IQCM: variants seen among roughly 807,000 people sequenced by gnomAD.
IQCM encodes IQ motif containing M.
In IQCM, 45 loss-of-function variants were observed where a neutral mutation model predicts 57.6. The ratio of observed to expected loss-of-function variants is 0.78; its 90% CI spans 0.62 to 1.00. IQCM has a LOEUF of 1.00. Ranked by LOEUF, IQCM falls within the 50% of genes least tolerant of loss-of-function variation. The pLI, the probability that IQCM is intolerant of heterozygous loss-of-function variation, is 0.00. For synonymous variants in IQCM, 148 were observed against 158.9 expected (o/e 0.93, Z 0.51); for missense variants, 468 against 511.6 (o/e 0.91, Z 0.82).
chr4:149,595,907 A>C lies in IQCM; in HGVS notation c.682-7910T>G, dbSNP rs886294012. On this transcript the variant is annotated intron_variant, in intron 8 of 13. Coordinates refer to ENST00000636793, the MANE Select transcript of IQCM (RefSeq NM_001363507.2). ...TTATTTACATTTCTTTACAGAGGTG[A>C]AGGTATCCTAAAGATAATGCTGGTC... 3.9e-5 allele frequency among the ~76,000 whole-genome samples: 6 copies of C among 152,272 alleles called. No homozygotes were observed. In the South Asian group the frequency reaches 1.2e-3, roughly 32 times the overall value.
At chr4:149,485,778 C>T (rs1741411552) in intron 12 of IQCM, among the ~76,000 whole-genome samples, 1 of 152,034 alleles carries the variant, frequency 6.6e-6, no homozygotes, top group South Asian at 2.1e-4. Flanking sequence ...AGATATTCTT[C>T]AGTGTCTGGG....
intron 7 of IQCM, among the ~76,000 whole-genome samples, chr4:149,659,658 G>A (rs1759987175): frequency 1.3e-5 from 2 of 152,042 alleles, no homozygotes; most frequent in Admixed American, 6.6e-5. Flanking sequence ...ACAGAACAGA[G>A]CCCTCAGAAA....
At chr4:149,603,992 G>A (rs919341744) in intron 8 of IQCM, among the ~76,000 whole-genome samples, 17 of 152,054 alleles carry the variant, frequency 1.1e-4, no homozygotes, top group Admixed American at 3.3e-4. Context: ...TAGTACTACT[G>A]CTGCAAGTCT....
intron 2 of IQCM, among the ~76,000 whole-genome samples, chr4:149,767,992 T>C (rs1181437105): frequency 6.6e-6 from 1 of 152,130 alleles, no homozygotes; most frequent in Non-Finnish European, 1.5e-5. Flanking sequence ...GGCCTAATTT[T>C]AGTTATATGG....
At chr4:149,386,732 T>A (rs553839734) in intron 13 of IQCM, among the ~76,000 whole-genome samples, 12 of 152,114 alleles carry the variant, frequency 7.9e-5, no homozygotes, top group East Asian at 7.8e-4. Flanking sequence ...GGTTTTTTTT[T>A]AAAATTTCAT....
At chr4:149,756,217 C>T (rs189360752) in intron 2 of IQCM, among the ~76,000 whole-genome samples, 6 of 152,152 alleles carry the variant, frequency 3.9e-5, no homozygotes, top group Non-Finnish European at 7.4e-5. Context: ...GCCGTGCCTA[C>T]AACACTGACT....
intron 13 of IQCM, among the ~76,000 whole-genome samples, chr4:149,390,963 C>T (rs1407573079): frequency 1.3e-5 from 2 of 151,634 alleles, no homozygotes; most frequent in Admixed American, 6.6e-5. Flanking sequence ...TCCTCTTCTA[C>T]TCTTGACTTC....
chr4:149,634,258 C>T (rs1757535554), intron 7 of IQCM, among the ~76,000 whole-genome samples: 5 of 152,164 alleles, frequency 3.3e-5, no homozygotes, highest in Admixed American at 3.3e-4. Flanking sequence ...ATCTGCCCAC[C>T]TCGGCCTCCC....
At chr4:149,721,266 G>A (rs534499313) in intron 5 of IQCM, among the ~76,000 whole-genome samples, 9 of 152,060 alleles carry the variant, frequency 5.9e-5, no homozygotes, top group Admixed American at 1.3e-4. Context: ...ATGCAAATAC[G>A]CCATTTTCAT....
intron 9 of IQCM, among the ~76,000 whole-genome samples, chr4:149,580,148 C>T (rs762118386): frequency 1.3e-4 from 19 of 151,622 alleles, no homozygotes; most frequent in Admixed American, 7.9e-4. Flanking sequence ...AGAACTGAAA[C>T]GCAAGCCACA....
At chr4:149,740,270 C>G (rs896166109) in intron 3 of IQCM, among the ~76,000 whole-genome samples, 1 of 152,140 alleles carries the variant, frequency 6.6e-6, no homozygotes, top group African/African-American at 2.4e-5. Context: ...GTAACAAAAG[C>G]CCCACCTCAG....
At chr4:149,572,367 A>G (rs922090061) in intron 9 of IQCM, among the ~76,000 whole-genome samples, 3 of 151,840 alleles carry the variant, frequency 2.0e-5, no homozygotes, top group Non-Finnish European at 4.4e-5. Flanking sequence ...GCTCACTGCA[A>G]CCTCTAACTC....
intron 7 of IQCM, among the ~76,000 whole-genome samples, chr4:149,630,074 G>C (rs943157080): frequency 6.6e-6 from 1 of 152,196 alleles, no homozygotes; most frequent in Non-Finnish European, 1.5e-5. Context: ...ACAGCCTGCT[G>C]TGTCATAATA....
intron 12 of IQCM, among the ~76,000 whole-genome samples, chr4:149,476,358 G>C (rs1360691024): frequency 6.6e-6 from 1 of 152,150 alleles, no homozygotes; most frequent in South Asian, 2.1e-4. Flanking sequence ...AGAGTGGCAG[G>C]AGGAGTATAG....
chr4:149,468,337 A>G (rs1368528465), intron 12 of IQCM, among the ~76,000 whole-genome samples: 4 of 152,144 alleles, frequency 2.6e-5, no homozygotes, highest in East Asian at 1.9e-4. Context: ...TATCCCGCGC[A>G]TAGCTCAGAG....
intron 5 of IQCM, among the ~76,000 whole-genome samples, chr4:149,713,705 A>G (rs1467607665): frequency 6.6e-6 from 1 of 151,950 alleles, no homozygotes; most frequent in Non-Finnish European, 1.5e-5. Flanking sequence ...GTTCCCATAC[A>G]CTCCATGTGC....
chr4:149,436,847 T>C (rs1735412144), intron 12 of IQCM, among the ~76,000 whole-genome samples: 1 of 152,112 alleles, frequency 6.6e-6, no homozygotes, highest in Admixed American at 6.6e-5. Flanking sequence ...ATATCTGAAG[T>C]TTTTTAAATT....
intron 13 of IQCM, among the ~76,000 whole-genome samples, chr4:149,357,704 C>G (rs1369150691): frequency 6.6e-6 from 1 of 152,074 alleles, no homozygotes; most frequent in Non-Finnish European, 1.5e-5. Flanking sequence ...GTCTTGAATT[C>G]TCTTTTATTG....
intron 12 of IQCM, among the ~76,000 whole-genome samples, chr4:149,541,441 A>C (rs1179646629): frequency 6.6e-6 from 1 of 152,130 alleles, no homozygotes; most frequent in Non-Finnish European, 1.5e-5. Context: ...ATGAACTAAA[A>C]GTTCTATTTA....
Sources: allele counts gnomAD v4.1 joint callset (sites outside exome capture counted in the v4.1 genomes callset), GRCh38; gene constraint gnomAD v4.1.1; transcripts MANE v1.5; gene names NCBI Gene and HGNC (gene_info 2026-07-23, HGNC 2026-07-21).